Variants in PTK2 observed in about 807,000 individuals in gnomAD.
The protein encoded by PTK2 is focal adhesion kinase 1.
Under a neutral mutation model 150.1 loss-of-function variants are expected in PTK2, and 45 were observed. The ratio of observed to expected loss-of-function variants is 0.30; its 90% CI spans 0.24 to 0.38. The LOEUF (loss-of-function observed/expected upper bound fraction) is 0.38, where lower values mean the gene tolerates loss of function less well. Among genes scored for constraint, PTK2 ranks in the 10% least tolerant of loss-of-function variants. The pLI is 1.00. For synonymous variants in PTK2, 432 were observed against 449.2 expected (o/e 0.96, Z 0.48); for missense variants, 919 against 1,307.3 (o/e 0.70, Z 4.58).
intron 13 of PTK2, 123 bp from the exon 14 acceptor site, chr8:140,789,649 A>G: frequency 1.2e-6 from 1 of 826,706 alleles, no homozygotes; most frequent in South Asian, 1.9e-5. Context: ...TGATTTCTTT[A>G]AAAATTGGAT....
intron 11 of PTK2, among the ~76,000 whole-genome samples, chr8:140,801,046 G>A (rs764352544): frequency 2.0e-5 from 3 of 152,200 alleles, no homozygotes; most frequent in Non-Finnish European, 4.4e-5. Context: ...CAAGGGCTTA[G>A]AAATCATTCT....
intron 1 of PTK2, among the ~76,000 whole-genome samples, chr8:140,992,298 A>G (rs1480486651): frequency 2.0e-5 from 3 of 151,254 alleles, no homozygotes; most frequent in Non-Finnish European, 4.4e-5. Context: ...TCTCGGAAAA[A>G]AAAAAAAAAA....
chr8:140,834,675 A>G (rs559889533), intron 7 of PTK2, among the ~76,000 whole-genome samples: 48 of 152,354 alleles, frequency 3.2e-4, no homozygotes, highest in African/African-American at 9.1e-4. Flanking sequence ...AGATAATTAC[A>G]TAAACAACTA....
chr8:140,995,786 T>TAAATA (rs916489373), intron 1 of PTK2, among the ~76,000 whole-genome samples: 14 of 151,470 alleles, frequency 9.2e-5, no homozygotes, highest in South Asian at 2.1e-4. Context: ...TCAAAATAAA[T>TAAATA]AAATAAAATA....
intron 1 of PTK2, among the ~76,000 whole-genome samples, chr8:140,966,139 A>G (rs1020450): frequency 0.97 from 147,210 of 152,256 alleles, 71,344 homozygotes; most frequent in East Asian, 1. Context: ...TTCATTAAAT[A>G]TGAAGACAAA....
chr8:140,729,969 A>G (rs1253865039), intron 22 of PTK2, among the ~76,000 whole-genome samples: 1 of 152,218 alleles, frequency 6.6e-6, no homozygotes. Context: ...ATAGTGTATA[A>G]AAGTTCATGG....
chr8:140,990,817 A>G (rs1385229723), intron 1 of PTK2, among the ~76,000 whole-genome samples: 1 of 152,114 alleles, frequency 6.6e-6, no homozygotes, highest in African/African-American at 2.4e-5. Flanking sequence ...CTCCCTTCAG[A>G]TATTTGATCT....
At chr8:140,746,414 C>A (rs905592090) in intron 18 of PTK2, 12 of 187,792 alleles carry the variant, frequency 6.4e-5, no homozygotes, top group Admixed American at 3.6e-4. Flanking sequence ...TTAATTTACC[C>A]AAACTCCATT....
intron 1 of PTK2, among the ~76,000 whole-genome samples, chr8:140,979,986 G>T (rs528843960): frequency 3.2e-4 from 48 of 152,312 alleles, no homozygotes; most frequent in Admixed American, 1.0e-3. Flanking sequence ...TATATTAGTG[G>T]TGATATAAAT....
At chr8:140,906,995 A>G (rs894953386) in intron 2 of PTK2, among the ~76,000 whole-genome samples, 21 of 152,210 alleles carry the variant, frequency 1.4e-4, no homozygotes, top group African/African-American at 4.6e-4. Flanking sequence ...ATTAAGATTG[A>G]AGCCTATACT....
intron 7 of PTK2, among the ~76,000 whole-genome samples, chr8:140,842,681 G>C (rs1429711365): frequency 6.6e-6 from 1 of 152,082 alleles, no homozygotes; most frequent in Non-Finnish European, 1.5e-5. Flanking sequence ...ATAGGGTGCT[G>C]AATTCACACA....
At chr8:140,700,578 G>T (rs1167912558) in intron 26 of PTK2, among the ~76,000 whole-genome samples, 2 of 151,838 alleles carry the variant, frequency 1.3e-5, no homozygotes, top group African/African-American at 4.8e-5. Flanking sequence ...CCACCTCCTG[G>T]GTTCAGGCGA....
intron 2 of PTK2, among the ~76,000 whole-genome samples, chr8:140,896,229 A>C (rs1226722135): frequency 6.6e-6 from 1 of 152,222 alleles, no homozygotes; most frequent in Non-Finnish European, 1.5e-5. Flanking sequence ...TTCTTTCAAC[A>C]AATTAAGAAA....
At chr8:140,901,407 CA>C (rs1322081455) in intron 2 of PTK2, among the ~76,000 whole-genome samples, 1 of 151,992 alleles carries the variant, frequency 6.6e-6, no homozygotes, top group Non-Finnish European at 1.5e-5. Context: ...GCAACTAAAG[CA>C]AAAATAAGAC....
chr8:140,732,385 AGTAATTATAT>A (rs1365536952), intron 22 of PTK2, among the ~76,000 whole-genome samples: 1 of 152,224 alleles, frequency 6.6e-6, no homozygotes, highest in Non-Finnish European at 1.5e-5. Context: ...ACCTATTTAA[AGTAATTATAT>A]GTAGTTCTAA....
intron 10 of PTK2, among the ~76,000 whole-genome samples, chr8:140,811,243 T>C (rs1447852093): frequency 1.3e-5 from 2 of 152,176 alleles, no homozygotes. Context: ...GAGAACAAAG[T>C]TGCAGCCCAA....
chr8:140,889,687 T>G (rs1366102610), intron 3 of PTK2, among the ~76,000 whole-genome samples: 2 of 151,632 alleles, frequency 1.3e-5, no homozygotes, highest in Admixed American at 1.3e-4. Context: ...TCCTTGTCAC[T>G]GGAAACTTCT....
chr8:140,957,645 A>G (rs1309555956), intron 1 of PTK2, among the ~76,000 whole-genome samples: 4 of 152,158 alleles, frequency 2.6e-5, no homozygotes, highest in Non-Finnish European at 5.9e-5. Flanking sequence ...CCATTCATGC[A>G]TGTAAGTGCC....
intron 1 of PTK2, among the ~76,000 whole-genome samples, chr8:140,995,254 G>A (rs544495272): frequency 3.3e-5 from 5 of 151,564 alleles, no homozygotes; most frequent in Non-Finnish European, 7.4e-5. Flanking sequence ...ATGGTGGCAC[G>A]TGCCTGTAGT....
Sources: gnomAD v4.1 joint callset for allele counts (sites outside exome capture counted in the v4.1 genomes callset) on GRCh38, gnomAD v4.1.1 for gene constraint, MANE v1.5 for transcripts, NCBI Gene and HGNC (gene_info 2026-07-23, HGNC 2026-07-21) for gene names.